The following GRID2 variants were observed in gnomAD, a reference collection of about 807,000 sequenced individuals.
The protein encoded by GRID2 is glutamate ionotropic receptor delta type subunit 2.
In GRID2, 33 loss-of-function variants were observed where a neutral mutation model predicts 114.8. That is an observed-to-expected ratio of 0.29 (90% confidence interval 0.22 to 0.38). GRID2 has a LOEUF of 0.38. GRID2 is among the 10% of genes least tolerant of loss of function. GRID2 has a pLI of 1.00. For missense variants in GRID2, 1,184 were observed against 1,257.7 expected (o/e 0.94, Z 0.89); for synonymous variants, 505 against 449.9 (o/e 1.12, Z -1.55).
intron 13 of GRID2, among the ~76,000 whole-genome samples, chr4:93,530,299 G>C (rs1731313881): frequency 6.6e-6 from 1 of 152,102 alleles, no homozygotes. Context: ...GTTTATGCTA[G>C]CATTCAAAAG....
chr4:93,511,043 T>C (rs1322108912), intron 12 of GRID2, among the ~76,000 whole-genome samples: 2 of 152,158 alleles, frequency 1.3e-5, no homozygotes, highest in Non-Finnish European at 2.9e-5. Flanking sequence ...TTCAAGTGAT[T>C]CCCCTGCCTC....
intron 2 of GRID2, among the ~76,000 whole-genome samples, chr4:93,012,741 G>T (rs917008903): frequency 6.6e-6 from 1 of 151,888 alleles, no homozygotes; most frequent in Non-Finnish European, 1.5e-5. Flanking sequence ...GAATGAAATT[G>T]CCTTTAAATA....
intron 1 of GRID2, among the ~76,000 whole-genome samples, chr4:92,371,030 C>A (rs1485003527): frequency 6.6e-6 from 1 of 152,152 alleles, no homozygotes; most frequent in East Asian, 1.9e-4. Flanking sequence ...CCACAACATT[C>A]CCTTACACCA....
chr4:92,610,348 ATC>A (rs1729659006), intron 2 of GRID2, among the ~76,000 whole-genome samples: 1 of 151,596 alleles, frequency 6.6e-6, no homozygotes, highest in African/African-American at 2.4e-5. Context: ...AGAGAAAGGC[ATC>A]TCTGTCTTAT....
intron 1 of GRID2, among the ~76,000 whole-genome samples, chr4:92,422,783 C>T (rs1012422468): frequency 1.3e-5 from 2 of 152,114 alleles, no homozygotes; most frequent in Non-Finnish European, 2.9e-5. Flanking sequence ...AATCTTGTGG[C>T]TAATTTGTTA....
At chr4:92,894,752 C>A (rs1235889445) in intron 2 of GRID2, among the ~76,000 whole-genome samples, 1 of 151,970 alleles carries the variant, frequency 6.6e-6, no homozygotes, top group African/African-American at 2.4e-5. Context: ...TTCAGTGAAC[C>A]GTGCTTGATT....
intron 1 of GRID2, among the ~76,000 whole-genome samples, chr4:92,466,266 A>G (rs1174095218): frequency 1.3e-5 from 2 of 151,882 alleles, no homozygotes; most frequent in Non-Finnish European, 2.9e-5. Flanking sequence ...TTGAAACTAT[A>G]TAATATATTA....
At chr4:92,524,407 C>CTTTTTTTTTT (rs869060153) in intron 1 of GRID2, among the ~76,000 whole-genome samples, 12 of 106,562 alleles carry the variant, frequency 1.1e-4, no homozygotes, top group African/African-American at 4.0e-4. Context: ...ATTTCCTTGT[C>CTTTTTTTTTT]TTTTTTTTTT....
intron 2 of GRID2, among the ~76,000 whole-genome samples, chr4:92,914,056 A>G (rs1748592487): frequency 6.6e-6 from 1 of 152,152 alleles, no homozygotes; most frequent in Admixed American, 6.6e-5. Context: ...TGTGAATTAC[A>G]TTAGTTTTAT....
intron 1 of GRID2, among the ~76,000 whole-genome samples, chr4:92,407,740 G>C (rs1345455951): frequency 6.6e-6 from 1 of 152,146 alleles, no homozygotes; most frequent in Admixed American, 6.6e-5. Flanking sequence ...CTTTTGAGAA[G>C]TGTTTGTTCA....
chr4:93,560,957 GAT>G (rs2149562990), intron 13 of GRID2, among the ~76,000 whole-genome samples: 1 of 72,408 alleles, frequency 1.4e-5, no homozygotes, highest in Non-Finnish European at 2.8e-5. Context: ...ATATTTATTT[GAT>G]AAATATTTAT....
At chr4:92,565,066 T>A (rs1039760902) in intron 1 of GRID2, among the ~76,000 whole-genome samples, 7 of 151,998 alleles carry the variant, frequency 4.6e-5, no homozygotes, top group Non-Finnish European at 7.4e-5. Context: ...TGACAAGGCA[T>A]ACAGTTTTGG....
intron 13 of GRID2, among the ~76,000 whole-genome samples, chr4:93,546,316 A>T (rs1354391770): frequency 6.6e-6 from 1 of 152,170 alleles, no homozygotes; most frequent in Non-Finnish European, 1.5e-5. Flanking sequence ...CGCAGTGAAA[A>T]GAATTTGGGA....
At chr4:93,626,105 G>A (rs1018579035) in intron 13 of GRID2, among the ~76,000 whole-genome samples, 164 bp from the exon 14 acceptor site, 1 of 151,952 alleles carries the variant, frequency 6.6e-6, no homozygotes, top group South Asian at 2.1e-4. Flanking sequence ...GTATCCACAG[G>A]GGTTCTGAAA....
chr4:93,551,591 A>G (rs1259242720), intron 13 of GRID2, among the ~76,000 whole-genome samples: 1 of 152,216 alleles, frequency 6.6e-6, no homozygotes, highest in East Asian at 1.9e-4. Flanking sequence ...AATGGAAAGA[A>G]AGCACATAGA....
At chr4:93,521,166 A>G (rs552787735) in intron 13 of GRID2, among the ~76,000 whole-genome samples, 1 of 152,274 alleles carries the variant, frequency 6.6e-6, no homozygotes, top group South Asian at 2.1e-4. Context: ...GTTGCCATTT[A>G]TTGAGATTGA....
At chr4:93,592,024 T>A (rs1738394429) in intron 13 of GRID2, among the ~76,000 whole-genome samples, 1 of 152,202 alleles carries the variant, frequency 6.6e-6, no homozygotes, top group South Asian at 2.1e-4. Context: ...GATTCATTAA[T>A]TTTTTGAAGG....
At chr4:92,892,337 G>T (rs973964761) in intron 2 of GRID2, among the ~76,000 whole-genome samples, 2 of 151,982 alleles carry the variant, frequency 1.3e-5, no homozygotes, top group Non-Finnish European at 2.9e-5. Flanking sequence ...TGGGGTAAAT[G>T]ATGTTTTCAA....
At chr4:93,628,394 G>A (rs1742925517) in intron 14 of GRID2, among the ~76,000 whole-genome samples, 1 of 152,018 alleles carries the variant, frequency 6.6e-6, no homozygotes, top group Non-Finnish European at 1.5e-5. Context: ...AAATTGTGTA[G>A]TTAAGGTACT....
Sources: gnomAD v4.1 joint callset for allele counts (sites outside exome capture counted in the v4.1 genomes callset) on GRCh38, gnomAD v4.1.1 for gene constraint, MANE v1.5 for transcripts, NCBI Gene and HGNC (gene_info 2026-07-23, HGNC 2026-07-21) for gene names.